OXNAD1: variants seen among roughly 807,000 people sequenced by gnomAD.
The protein encoded by OXNAD1 is oxidoreductase NAD-binding domain-containing protein 1.
OXNAD1 carries 34 observed loss-of-function variants against 32.9 expected under a neutral mutation model. The ratio of observed to expected loss-of-function variants is 1.03; its 90% CI spans 0.79 to 1.38. The LOEUF (loss-of-function observed/expected upper bound fraction) is 1.38, where lower values mean the gene tolerates loss of function less well. Ranked by LOEUF, OXNAD1 falls within the 40% of genes most tolerant of loss-of-function variation. The probability of loss-of-function intolerance (pLI) is 0.00; values close to 1 mark genes in which losing one functional copy is unlikely to be tolerated. For missense variants in OXNAD1, 407 were observed against 379.4 expected (o/e 1.07, Z -0.60); for synonymous variants, 134 against 135.2 (o/e 0.99, Z 0.06).
rs1240708659 is a variant in OXNAD1, at chr3:16,320,498, G to GA, written c.*31-16609dup. Reference sequence around the variant, plus strand: ...ACTAAAATCTGGGTACACAACACAGGAAAAAGGTCTTTGCTCTTGTGGAGA... The same window carrying GA: ...ACTAAAATCTGGGTACACAACACAGGAAAAAAGGTCTTTGCTCTTGTGGAGA... On this transcript the variant is annotated intron_variant, in intron 9 of 9. Coordinates refer to the OXNAD1 transcript ENST00000435829. This position sits in a 1 kb window ranked among gnomAD's most constrained non-coding sequence, Gnocchi z 4.5. 6.6e-6 allele frequency among the ~76,000 whole-genome samples: 1 copy of GA among 152,192 alleles called. No individual in the cohort carries two copies. Among genetic ancestry groups the GA allele is most frequent in the South Asian group, 2.1e-4 (1 of 4,828 alleles).
intron 4 of OXNAD1, among the ~76,000 whole-genome samples, chr3:16,282,656 C>T (rs2065830133): frequency 6.6e-6 from 1 of 151,918 alleles, no homozygotes; most frequent in African/African-American, 2.4e-5. Context: ...GTTGGTAGAA[C>T]TGAGAGAGCT....
intron 4 of OXNAD1, chr3:16,276,340 A>ATTT: frequency 2.9e-5 from 5 of 174,056 alleles, no homozygotes; most frequent in South Asian, 1.0e-4. Flanking sequence ...TCTTCTGTGA[A>ATTT]TTTTTTTTTT....
At chr3:16,323,502 G>A (rs1322492982) in intron 9 of OXNAD1, 1 of 1,424,528 alleles carries the variant, frequency 7.0e-7, no homozygotes, top group African/African-American at 1.5e-5. Flanking sequence ...TGCCTTAGAG[G>A]AACCCAAAAC....
rs1464332689 is a variant in OXNAD1 at position 16,317,773 on chromosome 3, G to A, written c.*30+14181G>A. The stretch of plus-strand genomic sequence containing the variant: ...GGCGGGCCCGCTCCCCAGCTAGGCC[G>A]ATAGCCCTTTGCTGACCACCACCTC... On this transcript the variant is annotated intron_variant, in intron 9 of 9. Coordinates refer to the OXNAD1 transcript ENST00000435829. This position sits in a 1 kb window ranked among gnomAD's most constrained non-coding sequence, Gnocchi z 4.3. 1.3e-5 allele frequency among the ~76,000 whole-genome samples: 2 copies of A among 151,768 alleles called. No homozygotes were observed. Among genetic ancestry groups the A allele is most frequent in the Non-Finnish European group, 2.9e-5 (2 of 67,990 alleles).
chr3:16,268,050 T>C (rs2064660606), intron 1 of OXNAD1, among the ~76,000 whole-genome samples: 1 of 152,210 alleles, frequency 6.6e-6, no homozygotes, highest in Non-Finnish European at 1.5e-5. Context: ...GATGGGATGG[T>C]CTACTTTATA....
At chr3:16,337,525 T>C (rs540400487), downstream of OXNAD1, among the ~76,000 whole-genome samples, 66 of 151,968 alleles carry the variant, frequency 4.3e-4, no homozygotes, top group African/African-American at 1.4e-3. The surrounding 1 kb of genome is among the most constrained non-coding windows in gnomAD (Gnocchi z 5.0). Context: ...GGGTGGATCA[T>C]GAGGTCAGGA....
chr3:16,302,568 G>A lies in OXNAD1; in HGVS notation c.676-72G>A. On this transcript the variant is annotated intron_variant, in intron 7 of 8. Transcript: ENST00000285083. The surrounding 1 kb of genome is among the most constrained non-coding windows in gnomAD (Gnocchi z 4.2). ...TGTGCAGAATGGGAGTTGAGGTTCA[G>A]CGTCAATGGTTGTGCACATCTGTTT... 10 of 991,940 alleles carry A rather than the reference G, an allele frequency of 1.0e-5. No homozygotes were observed. In the South Asian group the frequency reaches 1.4e-4, roughly 14 times the overall value. The allele number at this position is 991,940 out of a possible 1,614,324, so 61.4% of individuals were successfully genotyped here.
chr3:16,324,719 A>C (rs2069521022), intron 9 of OXNAD1, among the ~76,000 whole-genome samples: 1 of 140,918 alleles, frequency 7.1e-6, no homozygotes. Flanking sequence ...TTCTTCATCC[A>C]TCTGATGAGG....
downstream of OXNAD1, among the ~76,000 whole-genome samples, chr3:16,308,480 C>CAGCAA (rs2125117247): frequency 6.6e-6 from 1 of 152,048 alleles, no homozygotes; most frequent in East Asian, 1.9e-4. The surrounding 1 kb of genome is among the most constrained non-coding windows in gnomAD (Gnocchi z 4.4). Flanking sequence ...GAATGGAAAA[C>CAGCAA]AGCAATTTCC....
At chr3:16,313,205 ATTTTTTT>A (rs750491540) in intron 9 of OXNAD1, among the ~76,000 whole-genome samples, 1 of 103,806 alleles carries the variant, frequency 9.6e-6, no homozygotes, top group Non-Finnish European at 1.9e-5. Context: ...CACCCAGCGG[ATTTTTTT>A]TTTTTTTTTT....
downstream of OXNAD1, among the ~76,000 whole-genome samples, chr3:16,341,822 T>C (rs1297232877): frequency 6.6e-6 from 1 of 152,142 alleles, no homozygotes; most frequent in African/African-American, 2.4e-5. The surrounding 1 kb of genome is among the most constrained non-coding windows in gnomAD (Gnocchi z 4.7). Flanking sequence ...CAGCATACAG[T>C]TACATACAAA....
In OXNAD1 at chr3:16,271,339, GATTA is replaced by G; in HGVS notation, c.119+269_119+272del. 1 of 534,908 alleles carries G rather than the reference GATTA, an allele frequency of 1.9e-6. No individual in the cohort carries two copies. The highest frequency in any genetic ancestry group is 3.3e-6 in the Non-Finnish European group (1 of 305,642). The allele number at this position is 534,908 out of a possible 1,614,324, so 33.1% of individuals were successfully genotyped here. On this transcript the variant is annotated intron_variant, in intron 3 of 8. Transcript: ENST00000285083. This position sits in a 1 kb window ranked among gnomAD's most constrained non-coding sequence, Gnocchi z 4.6. ...CTGTCTTAGCCTCCCGAGTAGCTGGGATTACAGGCGTGCACCACCACACCTAGCT... is the reference window on the plus strand; with the variant it reads ...CTGTCTTAGCCTCCCGAGTAGCTGGGCAGGCGTGCACCACCACACCTAGCT...
intron 9 of OXNAD1, chr3:16,347,607 T>TACCCACCTCTGTGTGCAC (rs1357605019): frequency 6.6e-6 from 1 of 152,222 alleles, no homozygotes; most frequent in Non-Finnish European, 1.5e-5. Flanking sequence ...CACAGATGCA[T>TACCCACCTCTGTGTGCAC]ACCCACCTCT....
In OXNAD1 at chr3:16,344,638, C is replaced by CA. The variant is rs1205605009; in HGVS notation, c.*31-4536dup. 1.3e-5 allele frequency among the ~76,000 whole-genome samples: 2 copies of CA among 152,132 alleles called. No individual in the cohort carries two copies. Among genetic ancestry groups the CA allele is most frequent in the Non-Finnish European group, 2.9e-5 (2 of 68,024 alleles). ...GTCCACCACCTTCTAGATCACTGCA[C>CA]AAGCCCCTGAAAAAGATGTGAAACA... On this transcript the variant is annotated intron_variant, in intron 9 of 9. Coordinates refer to the OXNAD1 transcript ENST00000606098. This position sits in a 1 kb window ranked among gnomAD's most constrained non-coding sequence, Gnocchi z 4.4.
chr3:16,326,993 CCACT>C (rs1229786077), intron 9 of OXNAD1: 1 of 694,958 alleles, frequency 1.4e-6, no homozygotes, highest in Non-Finnish European at 2.4e-6. Context: ...CGGTGCCCGG[CCACT>C]CAGAGGCTCC....
chr3:16,335,794 AAG>A lies in OXNAD1; in HGVS notation c.*31-1317_*31-1316del, dbSNP rs1559829038. On this transcript the variant is annotated intron_variant, in intron 9 of 9. Coordinates refer to the OXNAD1 transcript ENST00000435829. This position sits in a 1 kb window ranked among gnomAD's most constrained non-coding sequence, Gnocchi z 4.7. ...GGAACTTTAAAAAAAAAAAAAAAAAAAGGAGTTTGATCACACCATCAAATATC... is the reference window on the plus strand; with the variant it reads ...GGAACTTTAAAAAAAAAAAAAAAAAAGAGTTTGATCACACCATCAAATATC... Among the ~76,000 whole-genome samples, 8 of 140,146 alleles carry A rather than the reference AAG, an allele frequency of 5.7e-5. No individual in the cohort carries two copies. The allele number at this position is 140,146 out of a possible 152,430, so 91.9% of individuals were successfully genotyped here.
chr3:16,345,826 GCGTGCGCGCA>G lies in OXNAD1; in HGVS notation c.*31-3347_*31-3338del, dbSNP rs1231177686. Among the ~76,000 whole-genome samples the G allele has an allele frequency of 5.8e-4, 43 of 73,898 alleles. No homozygotes were observed. The South Asian group carries it at 6.1e-3, about 10-fold the overall frequency. 48.5% of individuals were successfully genotyped at this position (73,898 alleles called of 152,430 possible). A position where few individuals can be genotyped will look rare whatever the true frequency, so the allele number is the denominator to read the frequency against. ...TGTGTGTGTGTGTGTGTGCGCGCGCGCGTGCGCGCACGCGCACATGTGCATGTGTATGTGT... is the reference window on the plus strand; with the variant it reads ...TGTGTGTGTGTGTGTGTGCGCGCGCGCGCGCACATGTGCATGTGTATGTGT... On this transcript the variant is annotated intron_variant, in intron 9 of 9. Coordinates refer to the OXNAD1 transcript ENST00000606098. This position sits in a 1 kb window ranked among gnomAD's most constrained non-coding sequence, Gnocchi z 5.2.
At chr3:16,333,974 G>C (rs904025752) in intron 9 of OXNAD1, among the ~76,000 whole-genome samples, 3 of 152,120 alleles carry the variant, frequency 2.0e-5, no homozygotes, top group Non-Finnish European at 4.4e-5. Context: ...GACCATCCGG[G>C]CTAACACGGT....
rs2079957698 is a variant in OXNAD1 at position 16,345,820 on chromosome 3, G to GCA, written c.*31-3355_*31-3354insAC. ...TGTGTGTGTGTGTGTGTGTGTGTGC[G>GCA]CGCGCGCGTGCGCGCACGCGCACAT... is the stretch of plus-strand genomic sequence containing the variant. On this transcript the variant is annotated intron_variant, in intron 9 of 9. Coordinates refer to the OXNAD1 transcript ENST00000606098. The surrounding 1 kb of genome is among the most constrained non-coding windows in gnomAD (Gnocchi z 5.2). Among the ~76,000 whole-genome samples, 2 of 56,884 alleles carry GCA rather than the reference G, an allele frequency of 3.5e-5. No homozygotes were observed. Among genetic ancestry groups the GCA allele is most frequent in the African/African-American group, 1.8e-4 (2 of 11,010 alleles). 37.3% of individuals were successfully genotyped at this position (56,884 alleles called of 152,430 possible).
Sources: gnomAD v4.1 joint callset for allele counts (sites outside exome capture counted in the v4.1 genomes callset) on GRCh38, gnomAD v4.1.1 for gene constraint, Gnocchi (gnomAD v3.1) non-coding constraint, MANE v1.5 for transcripts, NCBI Gene and HGNC (gene_info 2026-07-23, HGNC 2026-07-21) for gene names.